Variants in WWP2 observed in about 807,000 individuals in gnomAD.
WWP2 encodes the protein WW domain containing E3 ubiquitin protein ligase 2.
In WWP2, 57 loss-of-function variants were observed where a neutral mutation model predicts 121.0. The ratio of observed to expected loss-of-function variants is 0.47; its 90% CI spans 0.38 to 0.59. The LOEUF (loss-of-function observed/expected upper bound fraction) is 0.59. WWP2 is among the 20% of genes least tolerant of loss of function. The probability of loss-of-function intolerance (pLI) is 0.00; values close to 1 mark genes in which losing one functional copy is unlikely to be tolerated. For synonymous variants in WWP2, 449 were observed against 441.3 expected (o/e 1.02, Z -0.22); for missense variants, 962 against 1,158.9 (o/e 0.83, Z 2.47).
chr16:69,865,031 A>G (rs11075742), intron 6 of WWP2, among the ~76,000 whole-genome samples: 80,198 of 151,738 alleles, frequency 0.53, 21,785 homozygotes, highest in East Asian at 0.9. Flanking sequence ...CCCTCTGTAG[A>G]TCTTCTTTGG....
chr16:69,845,410 C>T (rs1310486966), intron 6 of WWP2, among the ~76,000 whole-genome samples: 1 of 152,094 alleles, frequency 6.6e-6, no homozygotes, highest in African/African-American at 2.4e-5. Context: ...CTTTGCTGTC[C>T]TTGCTTTCTG....
At chr16:69,855,699 G>T (rs1349917973) in intron 6 of WWP2, among the ~76,000 whole-genome samples, 1 of 152,192 alleles carries the variant, frequency 6.6e-6, no homozygotes, top group East Asian at 1.9e-4. Flanking sequence ...TTGGGCAGAA[G>T]AATGGCTGTT....
Position 69,934,126 on chromosome 16 carries a change from C to T in WWP2, c.1839C>T (p.Ala613=), listed in dbSNP as rs1222626642. The T allele has an allele frequency of 1.9e-6, 3 of 1,614,056 alleles. No individual in the cohort carries two copies. Among genetic ancestry groups the T allele is most frequent in the Non-Finnish European group, 2.5e-6 (3 of 1,180,008 alleles). Residue 613 remains alanine (A), a synonymous_variant, in exon 17 of 24, where the codon GCC becomes GCT. Transcript: ENST00000359154. ...TTCGCTTTATAGGCAGATTCATCGC[C>T]ATGGTAAGGGGGCCCCAGGGGTCTG... The part of the protein sequence containing the change: ...TYFRFIGRFI[A]MALYHGKFID...
intron 1 of WWP2, among the ~76,000 whole-genome samples, chr16:69,769,316 CAAAA>C (rs1186524809): frequency 1.3e-5 from 1 of 76,398 alleles, no homozygotes; most frequent in African/African-American, 4.7e-5. Flanking sequence ...GACTCCATCT[CAAAA>C]AAAAAAAAAA....
intron 4 of WWP2, among the ~76,000 whole-genome samples, chr16:69,815,718 C>T (rs986375087): frequency 4.8e-5 from 7 of 146,038 alleles, no homozygotes; most frequent in Admixed American, 7.1e-5. Context: ...ACCTGAGAGG[C>T]GGAGGTTGCA....
At chr16:69,792,974 G>A (rs1321324399) in intron 2 of WWP2, among the ~76,000 whole-genome samples, 4 of 152,138 alleles carry the variant, frequency 2.6e-5, no homozygotes, top group Admixed American at 6.6e-5. Flanking sequence ...TACAGGGTGA[G>A]CCACTGTGCC....
At chr16:69,921,163 G>C (rs927820363) in intron 10 of WWP2, among the ~76,000 whole-genome samples, 1 of 152,182 alleles carries the variant, frequency 6.6e-6, no homozygotes, top group Admixed American at 6.5e-5. Flanking sequence ...AAATGTGGCA[G>C]GAATCTTTCT....
chr16:69,803,777 G>A (rs1265420895), intron 4 of WWP2, among the ~76,000 whole-genome samples: 9 of 152,250 alleles, frequency 5.9e-5, no homozygotes, highest in Middle Eastern at 3.4e-3. Context: ...GCACAGTGGC[G>A]CACGCCTGTA....
At chr16:69,783,524 G>A (rs958402072) in intron 1 of WWP2, among the ~76,000 whole-genome samples, 1 of 151,756 alleles carries the variant, frequency 6.6e-6, no homozygotes, top group Non-Finnish European at 1.5e-5. Flanking sequence ...TCTAGCCTGG[G>A]CAATACAGCC....
intron 2 of WWP2, among the ~76,000 whole-genome samples, chr16:69,791,480 G>C (rs1355967099): frequency 1.3e-5 from 2 of 151,992 alleles, no homozygotes; most frequent in African/African-American, 4.8e-5. Flanking sequence ...CACCCACCTC[G>C]GCCTGCCAAA....
chr16:69,791,881 A>G (rs994645136), intron 2 of WWP2, among the ~76,000 whole-genome samples: 2 of 152,120 alleles, frequency 1.3e-5, no homozygotes, highest in Non-Finnish European at 2.9e-5. Context: ...TGTCCAGCAC[A>G]TACTTCTAAA....
chr16:69,931,008 A>G, intron 13 of WWP2, 144 bp from the exon 14 acceptor site: 2 of 746,960 alleles, frequency 2.7e-6, no homozygotes, highest in Non-Finnish European at 2.2e-6. Context: ...TTATTCTTCA[A>G]GGATCTTAAT....
chr16:69,769,121 A>G (rs1195130104), intron 1 of WWP2, among the ~76,000 whole-genome samples: 3 of 152,154 alleles, frequency 2.0e-5, no homozygotes, highest in African/African-American at 4.8e-5. Context: ...GATCGAGACC[A>G]TCCTGGCTAA....
At chr16:69,886,283 G>T (rs1037067028) in intron 7 of WWP2, among the ~76,000 whole-genome samples, 1 of 152,150 alleles carries the variant, frequency 6.6e-6, no homozygotes, top group Admixed American at 6.5e-5. Context: ...TCCTCGCTAG[G>T]TTGCCCAGGT....
At chr16:69,844,969 A>G (rs72785012) in intron 6 of WWP2, among the ~76,000 whole-genome samples, 7,821 of 152,292 alleles carry the variant, frequency 0.051, 268 homozygotes, top group Middle Eastern at 0.11. Context: ...TGTTGCAGGT[A>G]TGAAGGTCAC....
chr16:69,888,309 G>A (rs776077841), intron 8 of WWP2, 60 bp downstream of exon 8: 25 of 1,543,270 alleles, frequency 1.6e-5, no homozygotes, highest in South Asian at 1.3e-4. Context: ...GCTCCTTTAC[G>A]GGGGTGGAAA....
At chr16:69,776,850 A>T (rs969340559) in intron 1 of WWP2, among the ~76,000 whole-genome samples, 8 of 151,866 alleles carry the variant, frequency 5.3e-5, no homozygotes, top group African/African-American at 1.9e-4. Flanking sequence ...AATAAAAAAA[A>T]TTATAATAAA....
intron 4 of WWP2, among the ~76,000 whole-genome samples, chr16:69,819,723 G>T (rs1041412791): frequency 6.6e-6 from 1 of 152,066 alleles, no homozygotes; most frequent in African/African-American, 2.4e-5. Flanking sequence ...TTTAAAAAAG[G>T]CATGTAATTC....
chr16:69,805,184 C>T (rs2056249815), intron 4 of WWP2, among the ~76,000 whole-genome samples: 2 of 151,886 alleles, frequency 1.3e-5, no homozygotes, highest in Admixed American at 6.6e-5. Flanking sequence ...GGATTACAGG[C>T]GCCCAACACC....
Sources: allele counts gnomAD v4.1 joint callset (sites outside exome capture counted in the v4.1 genomes callset), GRCh38; gene constraint gnomAD v4.1.1; transcripts MANE v1.5; gene names NCBI Gene and HGNC (gene_info 2026-07-23, HGNC 2026-07-21).